FREM3: variants seen among roughly 807,000 people sequenced by gnomAD.
The protein encoded by FREM3 is FRAS1-related extracellular matrix protein 3.
A neutral mutation model predicts 129.1 loss-of-function variants in FREM3; 105 were observed. The observed-to-expected ratio is 0.81, with a 90% CI of 0.69 to 0.96. The LOEUF is 0.96. FREM3 is among the 40% of genes least tolerant of loss of function. FREM3 has a pLI of 0.00. For missense variants in FREM3, 2,593 were observed against 2,666.3 expected (o/e 0.97, Z 0.61); for synonymous variants, 1,014 against 1,044.9 (o/e 0.97, Z 0.57).
intron 5 of FREM3, among the ~76,000 whole-genome samples, chr4:143,618,701 C>A (rs1450930130): frequency 2.0e-5 from 3 of 152,096 alleles, no homozygotes; most frequent in African/African-American, 7.2e-5. Flanking sequence ...CGAGACCAGC[C>A]TGGGCAACAT....
rs1270193736 is a variant in FREM3, at chr4:143,621,182, AC to A, written c.5654-21del. ...TTGATTCTAGAAAAGATGGCAGAAG[AC>A]TTTTCACCAAGATTTAGATTTGATC... On this transcript the variant is annotated intron_variant, in intron 4 of 7. Coordinates refer to ENST00000329798, the MANE Select transcript of FREM3 (RefSeq NM_001168235.2). 1 of 1,536,216 alleles carries A rather than the reference AC, an allele frequency of 6.5e-7. No homozygotes were observed. The highest frequency in any genetic ancestry group is 1.2e-5 in the South Asian group (1 of 83,954).
chr4:143,690,831 T>C (rs1010098823), intron 2 of FREM3, among the ~76,000 whole-genome samples: 1 of 152,290 alleles, frequency 6.6e-6, no homozygotes, highest in Non-Finnish European at 1.5e-5. Context: ...CTTAGCTCCA[T>C]GCATGGTACA....
chr4:143,690,017 T>TAA (rs34995101), intron 2 of FREM3, among the ~76,000 whole-genome samples: 2 of 136,562 alleles, frequency 1.5e-5, no homozygotes, highest in African/African-American at 5.4e-5. Flanking sequence ...ATGGAAAAAT[T>TAA]AAAAAAAAAA....
intron 6 of FREM3, among the ~76,000 whole-genome samples, chr4:143,590,083 A>G (rs949185148): frequency 6.6e-6 from 1 of 151,972 alleles, no homozygotes; most frequent in Non-Finnish European, 1.5e-5. Flanking sequence ...TTGCACATTG[A>G]TTTTGTATCC....
chr4:143,672,137 A>G (rs17018067), intron 2 of FREM3, among the ~76,000 whole-genome samples: 157 of 152,342 alleles, frequency 1.0e-3, no homozygotes, highest in African/African-American at 3.5e-3. Context: ...CACTGTAACT[A>G]TAGACTTGAT....
At chr4:143,694,038 C>A (rs992678071) in intron 1 of FREM3, among the ~76,000 whole-genome samples, 3 of 152,130 alleles carry the variant, frequency 2.0e-5, no homozygotes, top group African/African-American at 7.2e-5. Context: ...GAAAAGATAA[C>A]GACTGGGTAC....
At position 143,698,612 on chromosome 4, in the gene FREM3, CT is replaced by C. The variant is rs868559092; in HGVS notation, c.2063del (p.Gln688ArgfsTer14). On this transcript the variant is annotated frameshift_variant, in exon 1 of 8. Coordinates refer to ENST00000329798, the MANE Select transcript of FREM3 (RefSeq NM_001168235.2). LOFTEE classifies it high-confidence loss of function. The part of the protein sequence containing the change: ...DDHDPPNLSK[Q>X]HIFTIKVQPV... ...GTTGGACCTTGATGGTGAAAATGTG[CT>C]GTTTGGAGAGATTGGGTGGGTCATG... 9.1e-6 allele frequency: 14 copies of C among 1,537,784 alleles called. No individual in the cohort carries two copies. The African/African-American group carries it at 1.9e-4, about 21-fold the overall frequency.
chr4:143,659,187 C>G (rs1380737704), intron 2 of FREM3, among the ~76,000 whole-genome samples: 1 of 151,656 alleles, frequency 6.6e-6, no homozygotes, highest in Admixed American at 6.6e-5. Context: ...TGGTGTGCTG[C>G]ACCCATTAAC....
intron 6 of FREM3, among the ~76,000 whole-genome samples, chr4:143,610,346 A>G (rs1250645777): frequency 6.6e-6 from 1 of 152,198 alleles, no homozygotes; most frequent in Non-Finnish European, 1.5e-5. Context: ...ATAATTTTAA[A>G]CAGAACATGA....
rs1308002371 is a variant in FREM3 at position 143,698,692 on chromosome 4, G to T, written c.1984C>A (p.Pro662Thr). 3.3e-6 allele frequency: 5 copies of T among 1,537,472 alleles called. No individual in the cohort carries two copies. Among genetic ancestry groups the T allele is most frequent in the Non-Finnish European group, 4.4e-6 (5 of 1,146,970 alleles). ...EGRLFYRHLG[P>T]HSPQSVMVQL... Reference sequence around the variant, plus strand: ...ACCATTACAGATTGAGGGCTGTGTGGTCCAAGATGGCGGTAGAAGAGTCTC... The same window carrying T: ...ACCATTACAGATTGAGGGCTGTGTGTTCCAAGATGGCGGTAGAAGAGTCTC... The change falls in exon 1 of 8, where the codon CCA (proline) becomes ACA (threonine). Residue 662 changes from proline to threonine, a missense_variant. Transcript: ENST00000329798.
At chr4:143,642,847 A>C (rs995774697) in intron 2 of FREM3, among the ~76,000 whole-genome samples, 1 of 152,178 alleles carries the variant, frequency 6.6e-6, no homozygotes, top group African/African-American at 2.4e-5. Context: ...CAATGGTAGG[A>C]AGTGTTTGCA....
At chr4:143,632,809 C>T (rs1279925530) in intron 2 of FREM3, among the ~76,000 whole-genome samples, 1 of 147,062 alleles carries the variant, frequency 6.8e-6, no homozygotes, top group South Asian at 2.1e-4. Flanking sequence ...AGTTGATGAG[C>T]TAAAAAAAAA....
At chr4:143,623,268 A>G (rs1043421869) in intron 4 of FREM3, among the ~76,000 whole-genome samples, 1 of 152,100 alleles carries the variant, frequency 6.6e-6, no homozygotes, top group African/African-American at 2.4e-5. Context: ...TAGTTCCTAG[A>G]CTTGTTTGAT....
At chr4:143,689,351 G>A (rs1342093663) in intron 2 of FREM3, among the ~76,000 whole-genome samples, 4 of 152,026 alleles carry the variant, frequency 2.6e-5, no homozygotes, top group East Asian at 1.9e-4. Flanking sequence ...TGCAAGAATG[G>A]CAATAATCAA....
At chr4:143,657,474 A>G (rs1394144651) in intron 2 of FREM3, among the ~76,000 whole-genome samples, 1 of 151,718 alleles carries the variant, frequency 6.6e-6, no homozygotes, top group Admixed American at 6.6e-5. Flanking sequence ...TCCCAGAGCC[A>G]GCAAACAGCA....
rs190072691 is a variant in FREM3, at chr4:143,694,326, C to G, written c.5186-1124G>C. 2.6e-5 allele frequency among the ~76,000 whole-genome samples: 4 copies of G among 152,298 alleles called. No homozygotes were observed. In the East Asian group the frequency reaches 7.7e-4, roughly 29 times the overall value. On this transcript the variant is annotated intron_variant, in intron 1 of 7. Coordinates refer to ENST00000329798, the MANE Select transcript of FREM3 (RefSeq NM_001168235.2). Reference sequence around the variant, plus strand: ...TGCACAAGTATAGAGCTTGACATAACTGTGGATACTCATGAACTACTTGTC... The same window carrying G: ...TGCACAAGTATAGAGCTTGACATAAGTGTGGATACTCATGAACTACTTGTC...
At chr4:143,676,937 G>A (rs934268061) in intron 2 of FREM3, among the ~76,000 whole-genome samples, 1 of 152,174 alleles carries the variant, frequency 6.6e-6, no homozygotes, top group African/African-American at 2.4e-5. Context: ...TGAATAGGAA[G>A]AATTAATATC....
At chr4:143,670,864 C>G (rs1185991922) in intron 2 of FREM3, among the ~76,000 whole-genome samples, 1 of 151,916 alleles carries the variant, frequency 6.6e-6, no homozygotes. Context: ...TACATGGAAT[C>G]ACATGATTAA....
At chr4:143,579,306 A>G (rs1738093822) in intron 7 of FREM3, among the ~76,000 whole-genome samples, 1 of 152,156 alleles carries the variant, frequency 6.6e-6, no homozygotes, top group African/African-American at 2.4e-5. Context: ...TACAAAAATT[A>G]GCAGGGTATG....
Sources: gnomAD v4.1 joint callset for allele counts (sites outside exome capture counted in the v4.1 genomes callset) on GRCh38, gnomAD v4.1.1 for gene constraint, MANE v1.5 for transcripts, NCBI Gene and HGNC (gene_info 2026-07-23, HGNC 2026-07-21) for gene names.